Variants in METAP1 observed in about 807,000 individuals in gnomAD.
The protein encoded by METAP1 is methionine aminopeptidase 1.
METAP1 carries 28 observed loss-of-function variants against 53.8 expected under a neutral mutation model. The observed-to-expected ratio is 0.52, with a 90% CI of 0.39 to 0.71. The LOEUF (loss-of-function observed/expected upper bound fraction) is 0.71, where lower values mean the gene tolerates loss of function less well. Among genes scored for constraint, METAP1 ranks in the 30% least tolerant of loss-of-function variants. The pLI is 0.00. For synonymous variants in METAP1, 181 were observed against 165.7 expected (o/e 1.09, Z -0.71); for missense variants, 389 against 479.8 (o/e 0.81, Z 1.77).
Position 99,048,781 on chromosome 4 carries a change from A to T in METAP1, c.836A>T (p.His279Leu). The T allele has an allele frequency of 6.2e-7, 1 of 1,614,012 alleles. No homozygotes were observed. The highest frequency in any genetic ancestry group is 8.5e-7 in the Non-Finnish European group (1 of 1,179,854). ...YRELGNIIQKHAQANGFSVVR... is the reference protein window; with the variant it reads ...YRELGNIIQKLAQANGFSVVR... ...GAATTGGGAAACATTATCCAGAAGC[A>T]TGCCCAAGCAAATGGGTTTTCAGTT... is the stretch of plus-strand genomic sequence containing the variant. The change falls in exon 9 of 11, where the codon CAT becomes CTT. Residue 279 changes from histidine (H) to leucine (L), a missense_variant. By Grantham distance (99) the His-to-Leu change is moderately conservative. Coordinates refer to ENST00000296411, the MANE Select transcript of METAP1 (RefSeq NM_015143.3).
intron 1 of METAP1, among the ~76,000 whole-genome samples, chr4:98,996,528 G>GTA (rs1722642233): frequency 6.6e-6 from 1 of 152,216 alleles, no homozygotes; most frequent in Admixed American, 6.5e-5. Context: ...TTTTCTTTCG[G>GTA]TATATAAAAT....
chr4:99,039,403 G>T lies in METAP1; in HGVS notation c.370G>T (p.Gly124Cys), dbSNP rs2110361284. The T allele has an allele frequency of 1.9e-6, 3 of 1,611,058 alleles. No individual in the cohort carries two copies. The highest frequency in any genetic ancestry group is 1.7e-6 in the Non-Finnish European group (2 of 1,178,018). The change falls in exon 5 of 11, where the codon GGT becomes TGT. Residue 124 changes from glycine (G) to cysteine (C), a missense_variant. Transcript: ENST00000296411. ...GTCTGAATCTGAACAGGCTCTTAAA[G>T]GTACTTCTCAGATTAAATTACTCTC... is the stretch of plus-strand genomic sequence containing the variant. ...GMSESEQALK[G>C]TSQIKLLSSE...
intron 9 of METAP1, among the ~76,000 whole-genome samples, chr4:99,050,505 AC>A (rs1357829971): frequency 6.6e-6 from 1 of 151,988 alleles, no homozygotes; most frequent in East Asian, 1.9e-4. Flanking sequence ...TGAGTGAGCA[AC>A]CTTTCTAAGG....
chr4:99,024,524 C>T (rs1336697371), intron 1 of METAP1, among the ~76,000 whole-genome samples: 1 of 152,048 alleles, frequency 6.6e-6, no homozygotes, highest in Non-Finnish European at 1.5e-5. Flanking sequence ...CCTCTTGTGC[C>T]GAGTCAGTTC....
At chr4:99,031,299 G>A (rs1198135973) in intron 2 of METAP1, among the ~76,000 whole-genome samples, 1 of 152,030 alleles carries the variant, frequency 6.6e-6, no homozygotes, top group Middle Eastern at 3.4e-3. Flanking sequence ...TCTCAAGACT[G>A]TATTATTGTA....
chr4:99,051,767 TA>T (rs1301144305), intron 9 of METAP1, among the ~76,000 whole-genome samples: 1 of 152,012 alleles, frequency 6.6e-6, no homozygotes, highest in Non-Finnish European at 1.5e-5. Flanking sequence ...AGTATTAAAC[TA>T]TTGAGGGTTT....
intron 9 of METAP1, among the ~76,000 whole-genome samples, chr4:99,054,101 C>T (rs1726923292): frequency 6.6e-6 from 1 of 152,044 alleles, no homozygotes; most frequent in Admixed American, 6.6e-5. Context: ...AGAAAGTCAG[C>T]CTGTTCTTTG....
chr4:98,999,290 T>G (rs79389174), intron 1 of METAP1, among the ~76,000 whole-genome samples: 4,203 of 152,076 alleles, frequency 0.028, 75 homozygotes, highest in Middle Eastern at 0.048. Flanking sequence ...AGCTCCATCA[T>G]TTACTAGTTA....
At chr4:99,029,039 A>T (rs1724796122) in intron 2 of METAP1, 121 bp downstream of exon 2, 1 of 615,600 alleles carries the variant, frequency 1.6e-6, no homozygotes, top group South Asian at 2.7e-5. Context: ...AATCCTGAAT[A>T]CTAGAATTAT....
At chr4:99,024,618 A>G (rs1197824581) in intron 1 of METAP1, among the ~76,000 whole-genome samples, 3 of 152,224 alleles carry the variant, frequency 2.0e-5, no homozygotes, top group African/African-American at 7.2e-5. Context: ...AGTCTGCAAA[A>G]TATTTCAAGC....
chr4:99,029,435 G>T (rs1279994948), intron 2 of METAP1, among the ~76,000 whole-genome samples: 1 of 152,048 alleles, frequency 6.6e-6, no homozygotes, highest in Non-Finnish European at 1.5e-5. Context: ...ACTATTAGCT[G>T]CTCCTTAGCT....
intron 1 of METAP1, among the ~76,000 whole-genome samples, chr4:99,022,127 G>A (rs1724152453): frequency 6.6e-6 from 1 of 152,208 alleles, no homozygotes; most frequent in South Asian, 2.1e-4. Flanking sequence ...GAATTAGCCA[G>A]GCATATATAG....
rs143404478 is a variant in METAP1, at chr4:99,028,368, T to C, written c.115-499T>C. On this transcript the variant is annotated intron_variant, in intron 1 of 10. Transcript: ENST00000296411. ...GCACATGCCAGGCACTCTGCTTGGC[T>C]CTGAGCAATAGTGGTAAACTTTGAT... Among the ~76,000 whole-genome samples, 926 of 152,258 alleles carry C rather than the reference T, an allele frequency of 6.1e-3. 9 individuals are homozygous for C. The highest frequency in any genetic ancestry group is 0.021 in the African/African-American group (891 of 41,550).
intron 2 of METAP1, among the ~76,000 whole-genome samples, chr4:99,030,307 C>G (rs1330331337): frequency 2.0e-5 from 3 of 152,132 alleles, no homozygotes; most frequent in African/African-American, 7.2e-5. Flanking sequence ...TTTTGACTTA[C>G]ACTACAAGGG....
intron 1 of METAP1, chr4:98,997,472 C>T (rs1722693116): frequency 6.5e-6 from 1 of 154,702 alleles, no homozygotes; most frequent in African/African-American, 2.4e-5. Flanking sequence ...TTTAAAATTC[C>T]CAAATTCTAT....
intron 1 of METAP1, among the ~76,000 whole-genome samples, chr4:99,024,525 G>T (rs1011851553): frequency 2.0e-5 from 3 of 152,170 alleles, no homozygotes; most frequent in African/African-American, 7.2e-5. Context: ...CTCTTGTGCC[G>T]AGTCAGTTCC....
chr4:99,039,582 A>G (rs537030514), intron 5 of METAP1, 117 bp downstream of exon 5: 180 of 540,092 alleles, frequency 3.3e-4, no homozygotes, highest in Non-Finnish European at 4.8e-4. Flanking sequence ...CTGACCAGCC[A>G]TGCTTTTTTT....
At chr4:99,046,936 CAAAAAAAAAAAAAA>C (rs56702946) in intron 8 of METAP1, among the ~76,000 whole-genome samples, 1 of 82,208 alleles carries the variant, frequency 1.2e-5, no homozygotes, top group Non-Finnish European at 2.6e-5. Context: ...ACTGAAGAAA[CAAAAAAAAAAAAAA>C]AAAAAAAAGA....
rs1722918789 is a variant in METAP1, at chr4:99,001,385, TA to T, written c.114+5519del. ...TCATAAATTGTTTATTGTAGAAAAA[TA>T]GAAAATATGTGTGAAGATAATCAAT... is the stretch of plus-strand genomic sequence containing the variant. On this transcript the variant is annotated intron_variant, in intron 1 of 10. Transcript: ENST00000296411. Among the ~76,000 whole-genome samples the T allele has an allele frequency of 2.0e-5, 3 of 152,172 alleles. No homozygotes were observed. In the South Asian group the frequency reaches 6.2e-4, roughly 31 times the overall value.
Sources: gnomAD v4.1 joint callset for allele counts (sites outside exome capture counted in the v4.1 genomes callset) on GRCh38, gnomAD v4.1.1 for gene constraint, MANE v1.5 for transcripts, NCBI Gene and HGNC (gene_info 2026-07-23, HGNC 2026-07-21) for gene names.